Variants in SNTG1 observed in about 807,000 individuals in gnomAD.
The protein encoded by SNTG1 is gamma-1-syntrophin.
Under a neutral mutation model 74.7 loss-of-function variants are expected in SNTG1, and 39 were observed. The ratio of observed to expected loss-of-function variants is 0.52; its 90% CI spans 0.40 to 0.68. The LOEUF (loss-of-function observed/expected upper bound fraction) is 0.68, where lower values mean the gene tolerates loss of function less well. SNTG1 is among the 30% of genes least tolerant of loss of function. The pLI is 0.00. For missense variants in SNTG1, 685 were observed against 609.5 expected (o/e 1.12, Z -1.30); for synonymous variants, 254 against 217.1 (o/e 1.17, Z -1.49).
intron 1 of SNTG1, among the ~76,000 whole-genome samples, chr8:50,070,303 A>G (rs1025982157): frequency 6.6e-6 from 1 of 152,136 alleles, no homozygotes; most frequent in Non-Finnish European, 1.5e-5. Context: ...ATTGTTCATT[A>G]TTGTGGCTCC....
At chr8:50,771,228 G>C (rs919873569) in intron 18 of SNTG1, among the ~76,000 whole-genome samples, 14 of 152,048 alleles carry the variant, frequency 9.2e-5, no homozygotes, top group Admixed American at 3.3e-4. Flanking sequence ...AAGACAAAAA[G>C]ATGAGGGAAA....
chr8:50,341,424 T>C (rs1469512436), intron 2 of SNTG1, among the ~76,000 whole-genome samples: 1 of 151,964 alleles, frequency 6.6e-6, no homozygotes, highest in East Asian at 1.9e-4. Flanking sequence ...GTCATTTCTA[T>C]GTATAATAGT....
chr8:50,771,568 A>T (rs1485109061), intron 18 of SNTG1, among the ~76,000 whole-genome samples: 1 of 152,180 alleles, frequency 6.6e-6, no homozygotes, highest in East Asian at 1.9e-4. Context: ...TTATATAAAA[A>T]GAAAAGGCAT....
intron 5 of SNTG1, among the ~76,000 whole-genome samples, chr8:50,447,759 G>C (rs1260926018): frequency 1.3e-5 from 2 of 152,050 alleles, no homozygotes; most frequent in Non-Finnish European, 2.9e-5. Flanking sequence ...ATAAGTGTGA[G>C]AAATGAAAAA....
At chr8:50,267,266 A>G (rs1291151232) in intron 2 of SNTG1, among the ~76,000 whole-genome samples, 2 of 152,148 alleles carry the variant, frequency 1.3e-5, no homozygotes, top group Non-Finnish European at 2.9e-5. Context: ...CATATGTCTG[A>G]TAAGGGATTT....
chr8:50,686,348 T>C (rs1024436569), intron 15 of SNTG1, among the ~76,000 whole-genome samples: 3 of 152,214 alleles, frequency 2.0e-5, no homozygotes, highest in African/African-American at 7.2e-5. Context: ...GGGAAACTTA[T>C]CAATGTGTTT....
intron 3 of SNTG1, among the ~76,000 whole-genome samples, chr8:50,399,902 G>T (rs1168935862): frequency 3.3e-5 from 5 of 152,182 alleles, no homozygotes; most frequent in Non-Finnish European, 5.9e-5. Context: ...GTGTGCTAAT[G>T]CCATGGATGA....
chr8:50,633,234 T>C (rs190314092), intron 13 of SNTG1, among the ~76,000 whole-genome samples: 129 of 152,316 alleles, frequency 8.5e-4, no homozygotes, highest in African/African-American at 3.0e-3. Flanking sequence ...TTCTGAACAA[T>C]GTCTTCTGTG....
At chr8:49,928,630 G>C (rs998469659) in intron 1 of SNTG1, among the ~76,000 whole-genome samples, 12 of 151,972 alleles carry the variant, frequency 7.9e-5, no homozygotes, top group Non-Finnish European at 1.6e-4. Flanking sequence ...AGCTATACAG[G>C]AACTCTCTGC....
intron 8 of SNTG1, among the ~76,000 whole-genome samples, chr8:50,466,967 G>T (rs188103749): frequency 4.4e-4 from 67 of 151,884 alleles, no homozygotes; most frequent in Non-Finnish European, 1.5e-4. Flanking sequence ...TTGATATGGT[G>T]GGTTTGTCTG....
At chr8:50,742,213 T>G (rs1245936502) in intron 17 of SNTG1, among the ~76,000 whole-genome samples, 1 of 151,968 alleles carries the variant, frequency 6.6e-6, no homozygotes. Flanking sequence ...CAACCACAGT[T>G]GAATACACAT....
chr8:50,597,495 A>C (rs897319966), intron 13 of SNTG1, among the ~76,000 whole-genome samples: 34 of 151,368 alleles, frequency 2.2e-4, no homozygotes, highest in African/African-American at 8.0e-4. Flanking sequence ...TATCTCAGCT[A>C]TTTTGAATAG....
intron 1 of SNTG1, among the ~76,000 whole-genome samples, chr8:50,102,089 G>C (rs932841709): frequency 6.6e-6 from 1 of 151,798 alleles, no homozygotes; most frequent in South Asian, 2.1e-4. Context: ...TGGAATGGCT[G>C]GGTCAAATGG....
chr8:50,498,652 A>G (rs563729956), intron 8 of SNTG1, among the ~76,000 whole-genome samples: 23 of 152,010 alleles, frequency 1.5e-4, no homozygotes, highest in African/African-American at 4.3e-4. Flanking sequence ...AATAACTACA[A>G]AAATAAATCC....
chr8:49,931,222 G>C (rs1807558355), intron 1 of SNTG1, among the ~76,000 whole-genome samples: 1 of 152,254 alleles, frequency 6.6e-6, no homozygotes, highest in Admixed American at 6.5e-5. Context: ...GCAGGTGGCA[G>C]AGTAACATTT....
intron 9 of SNTG1, among the ~76,000 whole-genome samples, chr8:50,512,628 T>C (rs1243286538): frequency 6.6e-6 from 1 of 152,226 alleles, no homozygotes; most frequent in Admixed American, 6.5e-5. Flanking sequence ...TTTATTCTTT[T>C]TTCTCTAAAC....
At position 50,470,456 on chromosome 8, in the gene SNTG1, T is replaced by G. The variant is rs576071896; in HGVS notation, c.363+19727T>G. Among the ~76,000 whole-genome samples, 9 of 152,252 alleles carry G rather than the reference T, an allele frequency of 5.9e-5. No homozygotes were observed. The East Asian group carries it at 1.7e-3, about 30-fold the overall frequency. ...TCAGATGTTCAGATGTGTCTGGAGT[T>G]TCTTCCTTCTGGTGGGTTCATGGTC... On this transcript the variant is annotated intron_variant, in intron 8 of 18. Coordinates refer to ENST00000642720, the MANE Select transcript of SNTG1 (RefSeq NM_018967.5).
At chr8:50,221,367 G>A (rs967090066) in intron 2 of SNTG1, among the ~76,000 whole-genome samples, 3 of 151,688 alleles carry the variant, frequency 2.0e-5, no homozygotes, top group East Asian at 3.9e-4. Flanking sequence ...GGAAAACAAA[G>A]GCACAAGGGA....
At chr8:50,379,173 G>A (rs1056877740) in intron 2 of SNTG1, among the ~76,000 whole-genome samples, 10 of 152,220 alleles carry the variant, frequency 6.6e-5, no homozygotes, top group African/African-American at 2.4e-4. Flanking sequence ...GCAAAGGGCT[G>A]GTGTGGCAGC....
Sources: gnomAD v4.1 joint callset for allele counts (sites outside exome capture counted in the v4.1 genomes callset) on GRCh38, gnomAD v4.1.1 for gene constraint, MANE v1.5 for transcripts, NCBI Gene and HGNC (gene_info 2026-07-23, HGNC 2026-07-21) for gene names.